IGFL2: variants seen among roughly 807,000 people sequenced by gnomAD.
IGFL2 encodes IGF like family member 2.
In IGFL2, 7 loss-of-function variants were observed where a neutral mutation model predicts 13.9. The observed-to-expected ratio is 0.51, with a 90% CI of 0.29 to 0.95. The LOEUF (loss-of-function observed/expected upper bound fraction) is 0.95. Ranked by LOEUF, IGFL2 falls within the 40% of genes least tolerant of loss-of-function variation. IGFL2 has a pLI of 0.08. For synonymous variants in IGFL2, 55 were observed against 55.8 expected (o/e 0.99, Z 0.07); for missense variants, 138 against 147.8 (o/e 0.93, Z 0.34).
At chr19:46,145,056 T>A (rs1296045986), upstream of IGFL2, among the ~76,000 whole-genome samples, 1 of 152,190 alleles carries the variant, frequency 6.6e-6, no homozygotes. Context: ...TGTTTCCACT[T>A]TTTTGCTATT....
At chr19:46,164,663 G>T (rs1168734786), downstream of IGFL2, 1 of 152,246 alleles carries the variant, frequency 6.6e-6, no homozygotes, top group Non-Finnish European at 1.5e-5. Flanking sequence ...TGGTAAAGGA[G>T]AACAATAGAC....
upstream of IGFL2, among the ~76,000 whole-genome samples, chr19:46,142,290 T>G (rs913503143): frequency 2.6e-5 from 4 of 152,252 alleles, no homozygotes; most frequent in Middle Eastern, 3.2e-3. Context: ...ACTTGCATTC[T>G]ATTATTTTAA....
Position 46,160,825 on chromosome 19 carries a change from G to A in IGFL2, c.285G>A (p.Lys95=), listed in dbSNP as rs371075163. ...GLTNDFVVKL[K]VQGVNSQCHS... ...CAAACGATTTTGTTGTGAAGCTGAA[G>A]GTTCAGGGTGTGAATTCCCAGTGCC... Residue 95 remains lysine, a synonymous_variant, in exon 3 of 4, where the codon AAG becomes AAA. Coordinates refer to ENST00000377693, the MANE Select transcript of IGFL2 (RefSeq NM_001135113.2). 7 of 1,613,842 alleles carry A rather than the reference G, an allele frequency of 4.3e-6. No homozygotes were observed. In the African/African-American group the frequency reaches 9.3e-5, roughly 22 times the overall value.
the IGFL2 span, among the ~76,000 whole-genome samples, chr19:46,109,488 T>G: frequency 6.6e-6 from 1 of 152,016 alleles, no homozygotes; most frequent in African/African-American, 2.4e-5. Context: ...CTAATTTTTT[T>G]TGTATTTTTA....
chr19:46,199,135 CA>C, the IGFL2 span, among the ~76,000 whole-genome samples: 1 of 152,198 alleles, frequency 6.6e-6, no homozygotes, highest in Admixed American at 6.5e-5. Context: ...GGTAGGGCAG[CA>C]GTTGGAGGCC....
chr19:46,120,199 C>T, the IGFL2 span: 15 of 1,387,764 alleles, frequency 1.1e-5, no homozygotes, highest in Non-Finnish European at 1.2e-5. Flanking sequence ...GGCTCCTCTC[C>T]AAAGCTATGT....
At chr19:46,196,888 C>T in the IGFL2 span, 1 of 153,786 alleles carries the variant, frequency 6.5e-6, no homozygotes, top group African/African-American at 2.4e-5. Context: ...CATCCTCAGC[C>T]TTCTCTGATC....
At chr19:46,188,034 G>GT in the IGFL2 span, among the ~76,000 whole-genome samples, 1 of 152,320 alleles carries the variant, frequency 6.6e-6, no homozygotes, top group South Asian at 2.1e-4. Flanking sequence ...TCGGACCTTG[G>GT]TGATGACCTT....
chr19:46,159,290 G>A (rs1354093833), intron 1 of IGFL2: 3 of 152,336 alleles, frequency 2.0e-5, no homozygotes, highest in Admixed American at 6.5e-5. Context: ...TATAGAATTA[G>A]AAGGTGTTTA....
chr19:46,098,708 A>G, the IGFL2 span, among the ~76,000 whole-genome samples: 1 of 151,962 alleles, frequency 6.6e-6, no homozygotes, highest in Non-Finnish European at 1.5e-5. Flanking sequence ...CGAACTTCTG[A>G]CCTCAGGTGA....
At chr19:46,159,773 G>C (rs1411258255) in intron 1 of IGFL2, 1 of 152,248 alleles carries the variant, frequency 6.6e-6, no homozygotes, top group Non-Finnish European at 1.5e-5. Flanking sequence ...AATGAGGAGA[G>C]CCCCAAATTT....
At chr19:46,145,311 T>C (rs1418163501), upstream of IGFL2, among the ~76,000 whole-genome samples, 3 of 152,156 alleles carry the variant, frequency 2.0e-5, no homozygotes, top group African/African-American at 7.2e-5. Flanking sequence ...TCTCTCTCTC[T>C]CTTTCATATA....
the IGFL2 span, chr19:46,137,540 A>C: frequency 3.8e-6 from 4 of 1,060,746 alleles, no homozygotes; most frequent in Non-Finnish European, 5.8e-6. Context: ...GTCCAAGGGA[A>C]TGTCCATGGA....
the IGFL2 span, among the ~76,000 whole-genome samples, chr19:46,133,492 A>G: frequency 1.3e-5 from 2 of 152,240 alleles, no homozygotes; most frequent in Non-Finnish European, 2.9e-5. Context: ...AAAGGAAGAC[A>G]GGAAGTAACT....
the IGFL2 span, among the ~76,000 whole-genome samples, chr19:46,168,896 T>G: frequency 2.0e-5 from 3 of 147,158 alleles, no homozygotes; most frequent in Admixed American, 6.8e-5. Flanking sequence ...GATCAGTAGA[T>G]TGAGTGTGTG....
chr19:46,116,116 A>G, the IGFL2 span, among the ~76,000 whole-genome samples: 1 of 152,282 alleles, frequency 6.6e-6, no homozygotes, highest in Non-Finnish European at 1.5e-5. Flanking sequence ...GTTCTAGGGT[A>G]CATGTGCACA....
At chr19:46,094,732 A>G in the IGFL2 span, among the ~76,000 whole-genome samples, 3 of 151,704 alleles carry the variant, frequency 2.0e-5, no homozygotes, top group South Asian at 2.1e-4. Flanking sequence ...CTCTGTGTCC[A>G]TGTGTTCTAA....
chr19:46,118,874 C>T, the IGFL2 span, among the ~76,000 whole-genome samples: 7 of 152,162 alleles, frequency 4.6e-5, no homozygotes, highest in African/African-American at 2.4e-5. Flanking sequence ...GTGCAGTTTC[C>T]ATAGTTTAAG....
At chr19:46,152,174 TG>T (rs1388657031) in intron 1 of IGFL2, among the ~76,000 whole-genome samples, 1 of 152,188 alleles carries the variant, frequency 6.6e-6, no homozygotes, top group Non-Finnish European at 1.5e-5. Context: ...TTTTTACTAG[TG>T]TATACAATTG....
Sources: allele counts gnomAD v4.1 joint callset (sites outside exome capture counted in the v4.1 genomes callset), GRCh38; gene constraint gnomAD v4.1.1; transcripts MANE v1.5; gene names NCBI Gene and HGNC (gene_info 2026-07-23, HGNC 2026-07-21).